Variants in SCUBE1 observed in about 807,000 individuals in gnomAD.
SCUBE1 encodes the protein signal peptide, CUB and EGF-like domain-containing protein 1.
A neutral mutation model predicts 124.4 loss-of-function variants in SCUBE1; 59 were observed. The ratio of observed to expected loss-of-function variants is 0.47; its 90% CI spans 0.38 to 0.59. The LOEUF (loss-of-function observed/expected upper bound fraction) is 0.59, where lower values mean the gene tolerates loss of function less well. Among genes scored for constraint, SCUBE1 ranks in the 20% least tolerant of loss-of-function variants. The pLI, the probability that SCUBE1 is intolerant of heterozygous loss-of-function variation, is 0.00. For synonymous variants in SCUBE1, 545 were observed against 550.9 expected (o/e 0.99, Z 0.15); for missense variants, 1,150 against 1,371.2 (o/e 0.84, Z 2.55).
intron 6 of SCUBE1, among the ~76,000 whole-genome samples, chr22:43,239,780 G>A (rs1031992635): frequency 2.6e-5 from 4 of 152,190 alleles, no homozygotes; most frequent in Non-Finnish European, 4.4e-5. Context: ...GTGGCTGCAT[G>A]GGCTTCCCTC....
intron 3 of SCUBE1, among the ~76,000 whole-genome samples, chr22:43,299,252 C>G (rs988904640): frequency 6.6e-6 from 1 of 152,146 alleles, no homozygotes; most frequent in African/African-American, 2.4e-5. Flanking sequence ...AGACCACCAC[C>G]GAGTGTGAGC....
intron 4 of SCUBE1, among the ~76,000 whole-genome samples, chr22:43,284,404 C>T (rs985318599): frequency 6.6e-6 from 1 of 152,264 alleles, no homozygotes; most frequent in East Asian, 1.9e-4. Context: ...TACTCGGTAC[C>T]TGGAGCTGCA....
rs1359690101 is a variant in SCUBE1, at chr22:43,258,936, G to A, written c.611-601C>T. ...GCAATGTCCGAACAGACAGACTCAT[G>A]CAAGTTAATGTCATCTGAGGTACGG... On this transcript the variant is annotated intron_variant, in intron 5 of 21. Coordinates refer to ENST00000360835, the MANE Select transcript of SCUBE1 (RefSeq NM_173050.5). The surrounding 1 kb of genome is among the most constrained non-coding windows in gnomAD (Gnocchi z 5.0). Among the ~76,000 whole-genome samples the A allele has an allele frequency of 2.6e-5, 4 of 152,204 alleles. No individual in the cohort carries two copies. The highest frequency in any genetic ancestry group is 5.9e-5 in the Non-Finnish European group (4 of 68,042).
At chr22:43,206,014 C>T (rs1342178829) in intron 21 of SCUBE1, among the ~76,000 whole-genome samples, 1 of 139,254 alleles carries the variant, frequency 7.2e-6, no homozygotes, top group Non-Finnish European at 1.6e-5. Context: ...ACCCTATATA[C>T]ATACCACACA....
At chr22:43,300,419 T>C (rs925761812) in intron 3 of SCUBE1, among the ~76,000 whole-genome samples, 1 of 152,088 alleles carries the variant, frequency 6.6e-6, no homozygotes, top group Non-Finnish European at 1.5e-5. Context: ...TGGCCATTTG[T>C]ATGGCCCTGG....
chr22:43,304,501 G>A (rs951551055), intron 3 of SCUBE1, among the ~76,000 whole-genome samples: 2 of 145,854 alleles, frequency 1.4e-5, no homozygotes, highest in Non-Finnish European at 3.0e-5. Context: ...GGAACAGGCA[G>A]GCTGAACCCA....
At chr22:43,338,147 G>A (rs1011375085) in intron 2 of SCUBE1, among the ~76,000 whole-genome samples, 1 of 152,202 alleles carries the variant, frequency 6.6e-6, no homozygotes, top group Admixed American at 6.5e-5. Context: ...CATGGGGTGA[G>A]GACGGCCATG....
At chr22:43,229,040 G>T in intron 9 of SCUBE1, 32 bp downstream of exon 9, 3 of 1,513,942 alleles carry the variant, frequency 2.0e-6, no homozygotes, top group Non-Finnish European at 2.7e-6. Context: ...GTGCCTCGGG[G>T]GGGAGGTGGC....
chr22:43,305,978 C>G (rs2146768892), intron 3 of SCUBE1, among the ~76,000 whole-genome samples: 1 of 152,298 alleles, frequency 6.6e-6, no homozygotes, highest in East Asian at 1.9e-4. Context: ...GGAGGGGTGC[C>G]AGGGCAGCCT....
In SCUBE1 at chr22:43,204,032, A is replaced by G; in HGVS notation, c.2932T>C (p.Ser978Pro). 1 of 1,613,984 alleles carries G rather than the reference A, an allele frequency of 6.2e-7. No individual in the cohort carries two copies. Among genetic ancestry groups the G allele is most frequent in the Non-Finnish European group, 8.5e-7 (1 of 1,179,976 alleles). The change falls in exon 22 of 22, where the codon TCC becomes CCC. Residue 978 changes from serine to proline, a missense_variant. Transcript: ENST00000360835. Reference sequence around the variant, plus strand: ...GGCCGCAGGAACCGAGACACTTTGGAGCGCAGCAGTTTGATGAAGGACCGT... The same window carrying G: ...GGCCGCAGGAACCGAGACACTTTGGGGCGCAGCAGTTTGATGAAGGACCGT... ...FPRSFIKLLR[S>P]KVSRFLRPYK
At chr22:43,220,767 C>A (rs989349214) in intron 13 of SCUBE1, among the ~76,000 whole-genome samples, 180 bp from the exon 14 acceptor site, 13 of 152,184 alleles carry the variant, frequency 8.5e-5, no homozygotes, top group Admixed American at 3.3e-4. Flanking sequence ...GTGGCTGAGC[C>A]AGGTCTCACG....
intron 2 of SCUBE1, 53 bp downstream of exon 2, chr22:43,339,051 A>T: frequency 6.2e-7 from 1 of 1,606,154 alleles, no homozygotes; most frequent in Admixed American, 1.7e-5. Flanking sequence ...TCGGCCACCT[A>T]CAGCAGCCCT....
At chr22:43,219,452 T>A (rs1392468676) in intron 14 of SCUBE1, among the ~76,000 whole-genome samples, 1 of 151,836 alleles carries the variant, frequency 6.6e-6, no homozygotes, top group East Asian at 1.9e-4. Flanking sequence ...GTGTTCCTTT[T>A]AGCAACGCAA....
At chr22:43,339,338 A>G (rs536828330) in intron 1 of SCUBE1, 103 bp from the exon 2 acceptor site, 3 of 1,156,720 alleles carry the variant, frequency 2.6e-6, no homozygotes, top group Non-Finnish European at 2.5e-6. Flanking sequence ...CCGTCCATTG[A>G]TCGGTGGGCT....
chr22:43,304,265 C>G (rs540598477), intron 3 of SCUBE1, among the ~76,000 whole-genome samples: 1 of 152,228 alleles, frequency 6.6e-6, no homozygotes, highest in East Asian at 1.9e-4. Flanking sequence ...CCATCTCCAG[C>G]GAACTTCTGT....
At chr22:43,245,320 C>G (rs185550709) in intron 6 of SCUBE1, among the ~76,000 whole-genome samples, 1 of 152,234 alleles carries the variant, frequency 6.6e-6, no homozygotes, top group African/African-American at 2.4e-5. Context: ...CCTGACCACG[C>G]CTCCCCGCCT....
rs746219324 is a variant in SCUBE1 at position 43,203,728 on chromosome 22, G to A, written c.*269C>T. Reference sequence around the variant, plus strand: ...TCCTGCAATCCTGCTACCTGCAGTCGGTCTGCCAGGGCTCAGGAGAGGGCG... The same window carrying A: ...TCCTGCAATCCTGCTACCTGCAGTCAGTCTGCCAGGGCTCAGGAGAGGGCG... On this transcript the variant is annotated 3_prime_UTR_variant, in exon 22 of 22. Transcript: ENST00000360835. The A allele has an allele frequency of 1.5e-5, 6 of 396,130 alleles. No individual in the cohort carries two copies. Among genetic ancestry groups the A allele is most frequent in the East Asian group, 4.7e-5 (1 of 21,062 alleles). 24.5% of individuals were successfully genotyped at this position (396,130 alleles called of 1,614,324 possible).
At chr22:43,303,340 C>G (rs1170736520) in intron 3 of SCUBE1, among the ~76,000 whole-genome samples, 5 of 152,252 alleles carry the variant, frequency 3.3e-5, no homozygotes, top group Admixed American at 2.6e-4. Flanking sequence ...ATCCCAGCCG[C>G]TTGGCCTCCT....
At chr22:43,285,494 A>G (rs1371379496) in intron 4 of SCUBE1, among the ~76,000 whole-genome samples, 1 of 152,232 alleles carries the variant, frequency 6.6e-6, no homozygotes, top group African/African-American at 2.4e-5. Flanking sequence ...CATGAGGCAG[A>G]AAACCACTTT....
Sources: gnomAD v4.1 joint callset for allele counts (sites outside exome capture counted in the v4.1 genomes callset) on GRCh38, gnomAD v4.1.1 for gene constraint, Gnocchi (gnomAD v3.1) non-coding constraint, MANE v1.5 for transcripts, NCBI Gene and HGNC (gene_info 2026-07-23, HGNC 2026-07-21) for gene names.